Variants in FBXO25 observed in about 807,000 individuals in gnomAD.
FBXO25 encodes the protein F-box protein 25, also known as F-box only protein 25.
FBXO25 carries 45 observed loss-of-function variants against 51.9 expected under a neutral mutation model. The observed-to-expected ratio is 0.87, with a 90% CI of 0.68 to 1.11. The LOEUF is 1.11. FBXO25 is among the 50% of genes most tolerant of loss of function. The pLI is 0.00. For synonymous variants in FBXO25, 199 were observed against 151.0 expected (o/e 1.32, Z -2.33); for missense variants, 507 against 428.5 (o/e 1.18, Z -1.62).
intron 2 of FBXO25, among the ~76,000 whole-genome samples, chr8:421,995 A>G (rs1174069751): frequency 1.3e-5 from 2 of 152,270 alleles, no homozygotes; most frequent in Non-Finnish European, 2.9e-5. Flanking sequence ...GATAAGGAAC[A>G]GTTCTTCCTT....
At chr8:416,010 C>G (rs1217747292) in intron 2 of FBXO25, among the ~76,000 whole-genome samples, 2 of 152,146 alleles carry the variant, frequency 1.3e-5, no homozygotes, top group Non-Finnish European at 2.9e-5. Flanking sequence ...AGTGTGTAGT[C>G]AAACATAACG....
chr8:466,091 C>T (rs1158807485), intron 9 of FBXO25, among the ~76,000 whole-genome samples: 1 of 152,198 alleles, frequency 6.6e-6, no homozygotes, highest in Non-Finnish European at 1.5e-5. Context: ...CAGCTTCTCC[C>T]ACTGAATATC....
rs1478050406 is a variant in FBXO25 at position 450,077 on chromosome 8, C to A, written c.469C>A (p.Gln157Lys). 1 of 1,608,676 alleles carries A rather than the reference C, an allele frequency of 6.2e-7. No homozygotes were observed. Among genetic ancestry groups the A allele is most frequent in the Admixed American group, 1.7e-5 (1 of 59,592 alleles). The change falls in exon 6 of 10, where the codon CAA becomes AAA. Residue 157 changes from glutamine (Q) to lysine (K), a missense_variant. Physicochemically the swap from Gln to Lys is moderately conservative, Grantham distance 53. Coordinates refer to ENST00000350302, the MANE Select transcript of FBXO25 (RefSeq NM_183420.2). The part of the protein sequence containing the change: ...NYFNILDKIV[Q>K]KVLDDHHNPR... ...CTTCAACATTTTGGATAAAATCGTT[C>A]AAAAGGGTAAGATGATCACTGTATT... is the stretch of plus-strand genomic sequence containing the variant.
chr8:410,690 T>G (rs1796436382), intron 1 of FBXO25, among the ~76,000 whole-genome samples: 1 of 152,214 alleles, frequency 6.6e-6, no homozygotes, highest in African/African-American at 2.4e-5. Flanking sequence ...GCATTGAGTT[T>G]TGCATTTTAG....
chr8:459,020 C>T (rs1051650717), intron 8 of FBXO25, among the ~76,000 whole-genome samples: 18 of 152,264 alleles, frequency 1.2e-4, no homozygotes, highest in Admixed American at 1.0e-3. Context: ...TGGGAGTGCA[C>T]GTGGGGCAGC....
chr8:418,036 A>C (rs570939312), intron 2 of FBXO25, among the ~76,000 whole-genome samples: 2 of 152,232 alleles, frequency 1.3e-5, no homozygotes, highest in Non-Finnish European at 2.9e-5. Flanking sequence ...ATTAATTCAC[A>C]CTTCACCCAA....
chr8:427,349 T>TG (rs1413604451), intron 2 of FBXO25, among the ~76,000 whole-genome samples: 1 of 150,388 alleles, frequency 6.6e-6, no homozygotes, highest in African/African-American at 2.5e-5. Context: ...TTTGTTTTGG[T>TG]GTTGGTGAAA....
rs376172124 is a variant in FBXO25, at chr8:416,618, G to T, written c.134+3405G>T. On this transcript the variant is annotated intron_variant, in intron 2 of 9. Transcript: ENST00000350302. ...AGCTTTCCCCACCCCTCCAGAAAGG[G>T]TTTCCTTGGAAATGGAATGGGCCGG... Among the ~76,000 whole-genome samples, 52 of 152,252 alleles carry T rather than the reference G, an allele frequency of 3.4e-4. 1 individual carries two copies. The East Asian group carries it at 7.1e-3, about 21-fold the overall frequency.
At chr8:412,745 A>C (rs1015104038) in intron 1 of FBXO25, among the ~76,000 whole-genome samples, 4 of 152,226 alleles carry the variant, frequency 2.6e-5, no homozygotes, top group Non-Finnish European at 4.4e-5. Context: ...TGGCAAAGAG[A>C]GAATACTTGT....
chr8:414,844 A>C (rs1450771609), intron 2 of FBXO25, among the ~76,000 whole-genome samples: 1 of 152,106 alleles, frequency 6.6e-6, no homozygotes, highest in Non-Finnish European at 1.5e-5. Flanking sequence ...TACCCCACCT[A>C]GTTGCTTTGC....
At chr8:450,356 G>T (rs895425048) in intron 6 of FBXO25, among the ~76,000 whole-genome samples, 5 of 152,110 alleles carry the variant, frequency 3.3e-5, no homozygotes, top group African/African-American at 1.2e-4. Context: ...CTTTTTCATG[G>T]TTAGCTAATC....
At chr8:424,735 C>G (rs185151217) in intron 2 of FBXO25, among the ~76,000 whole-genome samples, 2,009 of 152,208 alleles carry the variant, frequency 0.013, 42 homozygotes, top group African/African-American at 0.045. Context: ...TGTTTTTGTA[C>G]CAGTACAGAA....
intron 1 of FBXO25, among the ~76,000 whole-genome samples, chr8:408,016 C>A (rs926573454): frequency 1.3e-5 from 2 of 152,202 alleles, no homozygotes; most frequent in African/African-American, 2.4e-5. Flanking sequence ...TCAGAAAAGA[C>A]GTTTACTCTT....
chr8:467,035 A>T (rs1463349315), intron 9 of FBXO25, among the ~76,000 whole-genome samples: 1 of 152,130 alleles, frequency 6.6e-6, no homozygotes, highest in Non-Finnish European at 1.5e-5. Context: ...TTCACCCCAC[A>T]GGCCTGTGTG....
At chr8:427,197 A>G (rs1397885375) in intron 2 of FBXO25, among the ~76,000 whole-genome samples, 1 of 152,042 alleles carries the variant, frequency 6.6e-6, no homozygotes, top group Non-Finnish European at 1.5e-5. Flanking sequence ...CAGAGATTGT[A>G]GCTCCCTTCC....
chr8:458,787 A>C (rs113611303), intron 8 of FBXO25, among the ~76,000 whole-genome samples: 1 of 152,248 alleles, frequency 6.6e-6, no homozygotes, highest in South Asian at 2.1e-4. Context: ...CTGAACAGCA[A>C]AGCAAGAACT....
chr8:453,921 C>T (rs530894083), intron 7 of FBXO25, among the ~76,000 whole-genome samples: 2 of 151,980 alleles, frequency 1.3e-5, no homozygotes, highest in Non-Finnish European at 1.5e-5. Context: ...GTCAGGAGTT[C>T]GAGACCAGCC....
intron 7 of FBXO25, among the ~76,000 whole-genome samples, chr8:451,863 T>C (rs1799121085): frequency 6.6e-6 from 1 of 152,200 alleles, no homozygotes; most frequent in Non-Finnish European, 1.5e-5. Context: ...GGGGATGTGT[T>C]TATAGTTCTT....
intron 2 of FBXO25, 50 bp from the exon 3 acceptor site, chr8:431,291 A>G: frequency 2.0e-6 from 2 of 1,012,924 alleles, no homozygotes; most frequent in East Asian, 2.6e-5. Flanking sequence ...GAAAAGCCAA[A>G]TGAAGATCTC....
Sources: allele counts gnomAD v4.1 joint callset (sites outside exome capture counted in the v4.1 genomes callset), GRCh38; gene constraint gnomAD v4.1.1; transcripts MANE v1.5; gene names NCBI Gene and HGNC (gene_info 2026-07-23, HGNC 2026-07-21).